The following GLYCTK variants were observed in gnomAD, a reference collection of about 807,000 sequenced individuals.
GLYCTK encodes HBeAg binding protein 4.
A neutral mutation model predicts 24.8 loss-of-function variants in GLYCTK; 22 were observed. That is an observed-to-expected ratio of 0.89 (90% CI 0.63 to 1.27). The LOEUF (loss-of-function observed/expected upper bound fraction) is 1.27. Ranked by LOEUF, GLYCTK falls within the 50% of genes most tolerant of loss-of-function variation. GLYCTK has a pLI of 0.00. For missense variants in GLYCTK, 684 were observed against 686.7 expected (o/e 1.00, Z 0.04); for synonymous variants, 320 against 297.2 (o/e 1.08, Z -0.79).
At chr3:52,290,282 C>T in intron 1 of GLYCTK, 22 bp from the exon 2 acceptor site, 1 of 1,569,640 alleles carries the variant, frequency 6.4e-7, no homozygotes, top group East Asian at 2.3e-5. Context: ...GCAAGGGCCT[C>T]AGTTGTGCTT....
At chr3:52,292,186 G>A in intron 4 of GLYCTK, 74 bp from the exon 5 acceptor site, 1 of 1,585,118 alleles carries the variant, frequency 6.3e-7, no homozygotes, top group South Asian at 1.1e-5. Context: ...GGATACCCTA[G>A]GGGCAGTTTG....
At position 52,293,050 on chromosome 3, in the gene GLYCTK, G is replaced by A; in HGVS notation, c.1496G>A (p.Gly499Glu). 2 of 1,614,056 alleles carry A rather than the reference G, an allele frequency of 1.2e-6. No homozygotes were observed. The highest frequency in any genetic ancestry group is 1.7e-6 in the Non-Finnish European group (2 of 1,180,016). Reference protein sequence around the residue: ...SHTFFCCLQGGAHLLHTGMTG... With the variant: ...SHTFFCCLQGEAHLLHTGMTG... ...ACCTTCTTCTGCTGCCTCCAGGGTG[G>A]GGCACACCTGCTGCACACAGGGATG... Residue 499 changes from glycine to glutamate, a missense_variant, in exon 5 of 5, where the codon GGG (glycine) becomes GAG (glutamate). Gly to Glu is a moderately conservative substitution (Grantham distance 98, BLOSUM62 -2). Coordinates refer to ENST00000436784, the MANE Select transcript of GLYCTK (RefSeq NM_145262.4).
At chr3:52,287,977 C>G (rs925298694) in intron 1 of GLYCTK, 101 bp downstream of exon 1, 5 of 351,204 alleles carry the variant, frequency 1.4e-5, no homozygotes, top group South Asian at 7.4e-5. Flanking sequence ...CTCGCATCAC[C>G]GGGCATTACG....
Position 52,292,740 on chromosome 3 carries a change from G to A in GLYCTK, c.1186G>A (p.Ala396Thr), listed in dbSNP as rs770710522. Residue 396 changes from alanine to threonine, a missense_variant, in exon 5 of 5, where the codon GCA (alanine) becomes ACA (threonine). Ala to Thr is a moderately conservative substitution (Grantham distance 58). Coordinates refer to ENST00000436784, the MANE Select transcript of GLYCTK (RefSeq NM_145262.4). ...LQLEEALETMAWGRGPVCLLA... is the reference protein window; with the variant it reads ...LQLEEALETMTWGRGPVCLLA... Reference sequence around the variant, plus strand: ...GCTGGAGGAGGCTCTGGAGACCATGGCATGGGGAAGGGGCCCAGTCTGCCT... The same window carrying A: ...GCTGGAGGAGGCTCTGGAGACCATGACATGGGGAAGGGGCCCAGTCTGCCT... The A allele has an allele frequency of 6.2e-7, 1 of 1,608,610 alleles. No homozygotes were observed. The highest frequency in any genetic ancestry group is 8.5e-7 in the Non-Finnish European group (1 of 1,177,152).
chr3:52,291,666 A>T, intron 3 of GLYCTK, 81 bp from the exon 4 acceptor site: 1 of 1,353,222 alleles, frequency 7.4e-7, no homozygotes, highest in South Asian at 1.2e-5. Flanking sequence ...CCCTTTTTCT[A>T]ATGTGGGCTT....
rs936652248 is a variant in GLYCTK at position 52,294,614 on chromosome 3, C to T, written c.*1488C>T. The T allele has an allele frequency of 9.1e-6, 4 of 438,944 alleles. No individual in the cohort carries two copies. The highest frequency in any genetic ancestry group is 1.6e-5 in the South Asian group (1 of 62,272). The allele number at this position is 438,944 out of a possible 1,614,324, so 27.2% of individuals were successfully genotyped here. A position where few individuals can be genotyped will look rare whatever the true frequency, so the allele number is the denominator to read the frequency against. ...ACCGCTTCCTTTCCTTCTGTGCTGG[C>T]ATGGAGTTCCTGCTGACTAGGGTCA... On this transcript the variant is annotated 3_prime_UTR_variant, in exon 5 of 5. Transcript: ENST00000436784.
At position 52,290,558 on chromosome 3, in the gene GLYCTK, C is replaced by T; in HGVS notation, c.216C>T (p.Asp72=). 6.2e-7 allele frequency: 1 copy of T among 1,613,756 alleles called. No homozygotes were observed. The highest frequency in any genetic ancestry group is 8.5e-7 in the Non-Finnish European group (1 of 1,180,028). ...DPGGRQLKVR[D]RNFQLRQNLY... is the part of the protein sequence containing the mutation. Reference sequence around the variant, plus strand: ...GTGGCAGACAGCTGAAGGTGCGGGACCGGAACTTTCAGCTGAGGCAAAACC... The same window carrying T: ...GTGGCAGACAGCTGAAGGTGCGGGATCGGAACTTTCAGCTGAGGCAAAACC... The change falls in exon 2 of 5, where the codon GAC becomes GAT. Residue 72 remains aspartate, a synonymous_variant. Coordinates refer to ENST00000436784, the MANE Select transcript of GLYCTK (RefSeq NM_145262.4).
In GLYCTK at chr3:52,295,177, T is replaced by A. The variant is rs777085165; in HGVS notation, c.*2051T>A. 8.8e-6 allele frequency: 4 copies of A among 454,106 alleles called. No homozygotes were observed. The highest frequency in any genetic ancestry group is 6.2e-5 in the South Asian group (4 of 64,472). The allele number at this position is 454,106 out of a possible 1,614,324, so 28.1% of individuals were successfully genotyped here. A position where few individuals can be genotyped will look rare whatever the true frequency, so the allele number is the denominator to read the frequency against. ...ATGTATTTGGCCACAGTCTAAATGC[T>A]GAGATGAGAAAACCCTGCACAGTGA... On this transcript the variant is annotated 3_prime_UTR_variant, in exon 5 of 5. Transcript: ENST00000436784.
rs761904651 is a variant in GLYCTK, at chr3:52,292,840, G to T, written c.1286G>T (p.Arg429Leu). 2 of 1,613,766 alleles carry T rather than the reference G, an allele frequency of 1.2e-6. No homozygotes were observed. The highest frequency in any genetic ancestry group is 1.7e-5 in the Admixed American group (1 of 60,022). Residue 429 changes from arginine (R) to leucine (L), a missense_variant, in exon 5 of 5, where the codon CGT becomes CTT. Coordinates refer to ENST00000436784, the MANE Select transcript of GLYCTK (RefSeq NM_145262.4). Reference protein sequence around the residue: ...RGGRNQELALRVGAELRRWPL... With the variant: ...RGGRNQELALLVGAELRRWPL... The stretch of plus-strand genomic sequence containing the variant: ...GGCCGGAACCAGGAACTGGCCCTGC[G>T]TGTTGGAGCAGAGTTGAGAAGGTGG...
Position 52,291,107 on chromosome 3 carries a change from C to T in GLYCTK, c.525C>T (p.Ile175=). 1 of 1,610,250 alleles carries T rather than the reference C, an allele frequency of 6.2e-7. No individual in the cohort carries two copies. Among genetic ancestry groups the T allele is most frequent in the Non-Finnish European group, 8.5e-7 (1 of 1,179,966 alleles). Residue 175 remains isoleucine (I), a synonymous_variant, in exon 3 of 5, where the codon ATC becomes ATT. Transcript: ENST00000436784. ...CTGATGACCTGCTGCTCGTGCTGATCTCAGGTGTGGTACCACATTGGCCCA... is the reference window on the plus strand; with the variant it reads ...CTGATGACCTGCTGCTCGTGCTGATTTCAGGTGTGGTACCACATTGGCCCA... ...LTADDLLLVL[I]SGGGSALLPA... is the part of the protein sequence containing the mutation.
rs1487256616 is a variant in GLYCTK, at chr3:52,291,109, C to T, written c.527C>T (p.Ser176Leu). The T allele has an allele frequency of 6.2e-7, 1 of 1,610,040 alleles. No homozygotes were observed. The highest frequency in any genetic ancestry group is 1.1e-5 in the South Asian group (1 of 91,070). ...GATGACCTGCTGCTCGTGCTGATCT[C>T]AGGTGTGGTACCACATTGGCCCAAG... is the stretch of plus-strand genomic sequence containing the variant. Reference protein sequence around the residue: ...TADDLLLVLISGGGSALLPAP... With the variant: ...TADDLLLVLILGGGSALLPAP... Residue 176 changes from serine (S) to leucine (L), a missense_variant and splice_region_variant, in exon 3 of 5, where the codon TCA (serine) becomes TTA (leucine). Coordinates refer to ENST00000436784, the MANE Select transcript of GLYCTK (RefSeq NM_145262.4).
Position 52,295,103 on chromosome 3 carries a change from A to G in GLYCTK, c.*1977A>G. 2.2e-6 allele frequency: 1 copy of G among 454,084 alleles called. No individual in the cohort carries two copies. Among genetic ancestry groups the G allele is most frequent in the Non-Finnish European group, 4.4e-6 (1 of 226,798 alleles). The allele number at this position is 454,084 out of a possible 1,614,324, so 28.1% of individuals were successfully genotyped here. A position where few individuals can be genotyped will look rare whatever the true frequency, so the allele number is the denominator to read the frequency against. On this transcript the variant is annotated 3_prime_UTR_variant, in exon 5 of 5. Transcript: ENST00000436784. The stretch of plus-strand genomic sequence containing the variant: ...ACCCCATAGGGCCAAATGGTCTGTG[A>G]GCCTAACCCGTTAGATTTGCTCACT...
At chr3:52,291,613 T>C (rs1700471898) in intron 3 of GLYCTK, 134 bp from the exon 4 acceptor site, 1 of 788,408 alleles carries the variant, frequency 1.3e-6, no homozygotes. Flanking sequence ...TGTACACATA[T>C]TGCATATCCA....
At position 52,294,318 on chromosome 3, in the gene GLYCTK, C is replaced by T. The variant is rs1700578648; in HGVS notation, c.*1192C>T. ...GAGAACAGCGAGGCCTGGGGCTGCT[C>T]TTGCAGGCACTTCTTCCACCCCAAC... On this transcript the variant is annotated 3_prime_UTR_variant, in exon 5 of 5. Transcript: ENST00000436784. The T allele has an allele frequency of 1.9e-6, 1 of 534,468 alleles. No homozygotes were observed. Among genetic ancestry groups the T allele is most frequent in the Non-Finnish European group, 3.8e-6 (1 of 260,084 alleles). The allele number at this position is 534,468 out of a possible 1,614,324, so 33.1% of individuals were successfully genotyped here.
Position 52,290,366 on chromosome 3 carries a change from GC to G in GLYCTK, c.28del (p.Arg10AlafsTer37). On this transcript the variant is annotated frameshift_variant, in exon 2 of 5. Transcript: ENST00000436784. LOFTEE classifies it high-confidence loss of function. The part of the protein sequence containing the change: MAAALQVL[P>X]RLARAPLHPL... The stretch of plus-strand genomic sequence containing the variant: ...GCATGGCTGCAGCCCTGCAGGTCCT[GC>G]CCCGCTTGGCCCGAGCCCCCTTGCA... 1 of 1,599,746 alleles carries G rather than the reference GC, an allele frequency of 6.3e-7. No homozygotes were observed. Among genetic ancestry groups the G allele is most frequent in the African/African-American group, 1.3e-5 (1 of 75,018 alleles).
rs752412724 is a variant in GLYCTK, at chr3:52,292,319, C to A, written c.765C>A (p.Gly255=). Residue 255 remains glycine (G), a synonymous_variant, in exon 5 of 5, where the codon GGC becomes GGA. Transcript: ENST00000436784. The stretch of plus-strand genomic sequence containing the variant: ...ACCCTGTGGAGGTGATTGCCAGTGG[C>A]CCCACCGTGGCCAGTTCCCACAATG... The part of the protein sequence containing the change: ...VGDPVEVIAS[G]PTVASSHNVQ... 3.7e-6 allele frequency: 6 copies of A among 1,613,760 alleles called. No individual in the cohort carries two copies. The East Asian group carries it at 1.3e-4, about 36-fold the overall frequency.
Position 52,293,123 on chromosome 3 carries a change from G to T in GLYCTK, c.1569G>T (p.Arg523=), listed in dbSNP as rs1316735590. 6.2e-6 allele frequency: 10 copies of T among 1,613,486 alleles called. No homozygotes were observed. The African/African-American group carries it at 9.3e-5, about 15-fold the overall frequency. Residue 523 remains arginine (R), a synonymous_variant, in exon 5 of 5, where the codon CGG becomes CGT. Transcript: ENST00000436784. ...CCCACCTCTTGTTCCTGCGGCCTCGGTGATGGCATAGGTCACATTTTGGGA... is the reference window on the plus strand; with the variant it reads ...CCCACCTCTTGTTCCTGCGGCCTCGTTGATGGCATAGGTCACATTTTGGGA... ...MDTHLLFLRP[R]
Position 52,293,007 on chromosome 3 carries a change from G to T in GLYCTK, c.1453G>T (p.Ala485Ser). The part of the protein sequence containing the change: ...AEGLDIATFL[A>S]HNDSHTFFCC... ...GGGCCTGGACATAGCCACCTTCCTA[G>T]CCCACAATGACTCACATACCTTCTT... Residue 485 changes from alanine to serine, a missense_variant, in exon 5 of 5, where the codon GCC (alanine) becomes TCC (serine). Physicochemically the swap from Ala to Ser is moderately conservative, Grantham distance 99. Coordinates refer to ENST00000436784, the MANE Select transcript of GLYCTK (RefSeq NM_145262.4). 6.2e-7 allele frequency: 1 copy of T among 1,614,186 alleles called. No individual in the cohort carries two copies.
chr3:52,292,836 C>T lies in GLYCTK; in HGVS notation c.1282C>T (p.Leu428=), dbSNP rs762888416. 6.8e-6 allele frequency: 11 copies of T among 1,613,544 alleles called. No homozygotes were observed. Among genetic ancestry groups the T allele is most frequent in the Non-Finnish European group, 9.3e-6 (11 of 1,179,914 alleles). ...GRGGRNQELA[L]RVGAELRRWP... is the part of the protein sequence containing the mutation. ...GGGTGGCCGGAACCAGGAACTGGCC[C>T]TGCGTGTTGGAGCAGAGTTGAGAAG... The change falls in exon 5 of 5, where the codon CTG becomes TTG. Residue 428 remains leucine (L), a synonymous_variant. Coordinates refer to ENST00000436784, the MANE Select transcript of GLYCTK (RefSeq NM_145262.4).
Sources: allele counts gnomAD v4.1 joint callset, GRCh38; gene constraint gnomAD v4.1.1; transcripts MANE v1.5; gene names NCBI Gene and HGNC (gene_info 2026-07-23, HGNC 2026-07-21).